AKAP13: variants seen among roughly 807,000 people sequenced by gnomAD.
AKAP13 encodes A-kinase anchoring protein 13.
AKAP13 carries 80 observed loss-of-function variants against 264.5 expected under a neutral mutation model. That is an observed-to-expected ratio of 0.30 (90% CI 0.25 to 0.36). AKAP13 has a LOEUF of 0.36. Ranked by LOEUF, AKAP13 falls within the 10% of genes least tolerant of loss-of-function variation. AKAP13 has a pLI of 1.00. For missense variants in AKAP13, 3,712 were observed against 3,435.2 expected, an observed-to-expected ratio of 1.08 and a Z score of -2.01; for synonymous variants, 1,380 against 1,250.2, an observed-to-expected ratio of 1.10 and a Z score of -2.19.
chr15:85,707,607 C>G (rs1398144463), intron 17 of AKAP13, among the ~76,000 whole-genome samples: 1 of 152,210 alleles, frequency 6.6e-6, no homozygotes, highest in Non-Finnish European at 1.5e-5. Flanking sequence ...CAGACACTTT[C>G]ACTTTTAGTT....
Position 85,499,686 on chromosome 15 carries a change from A to C in AKAP13, c.33+13933A>C, listed in dbSNP as rs377364636. Among the ~76,000 whole-genome samples the C allele has an allele frequency of 1.3e-4, 20 of 151,596 alleles. No homozygotes were observed. The East Asian group carries it at 3.3e-3, about 25-fold the overall frequency. On this transcript the variant is annotated intron_variant, in intron 2 of 36. Coordinates refer to ENST00000394518, the MANE Select transcript of AKAP13 (RefSeq NM_007200.5). Reference sequence around the variant, plus strand: ...CCAATCCCTAACACATGCATAAAGAAAAACACTTATCTTTCAGGATTCATT... The same window carrying C: ...CCAATCCCTAACACATGCATAAAGACAAACACTTATCTTTCAGGATTCATT...
At chr15:85,538,044 G>A (rs183463379) in intron 4 of AKAP13, among the ~76,000 whole-genome samples, 11 of 152,230 alleles carry the variant, frequency 7.2e-5, no homozygotes, top group African/African-American at 2.4e-4. Flanking sequence ...GTGGGGTAAG[G>A]ACATTTTTTT....
chr15:85,504,904 T>C (rs1224813505), intron 2 of AKAP13, among the ~76,000 whole-genome samples: 1 of 151,880 alleles, frequency 6.6e-6, no homozygotes, highest in East Asian at 1.9e-4. Context: ...TTGCTCTCCC[T>C]CGCACCCTCT....
At chr15:85,440,813 A>T (rs181122704) in intron 1 of AKAP13, among the ~76,000 whole-genome samples, 6 of 152,314 alleles carry the variant, frequency 3.9e-5, no homozygotes, top group Non-Finnish European at 7.3e-5. Flanking sequence ...TACCAAGGTA[A>T]TGATGACCAT....
intron 5 of AKAP13, among the ~76,000 whole-genome samples, chr15:85,556,265 TGTACC>T (rs1163520472): frequency 1.3e-5 from 2 of 152,236 alleles, no homozygotes; most frequent in Non-Finnish European, 2.9e-5. Flanking sequence ...CTATCAAATA[TGTACC>T]GTACATAATT....
chr15:85,391,793 C>CT (rs915812968), intron 1 of AKAP13, among the ~76,000 whole-genome samples: 47 of 146,316 alleles, frequency 3.2e-4, no homozygotes, highest in African/African-American at 4.6e-4. Flanking sequence ...CCTCCTTATT[C>CT]TTTTTTTTTG....
chr15:85,714,567 G>C (rs1011549881), intron 19 of AKAP13, among the ~76,000 whole-genome samples: 3 of 152,236 alleles, frequency 2.0e-5, no homozygotes, highest in Non-Finnish European at 4.4e-5. Context: ...GAAGACAAGG[G>C]GGGCTGAGAT....
rs1455716704 is a variant in AKAP13, at chr15:85,581,112, A to G, written c.3044A>G (p.Gln1015Arg). 5 of 1,613,978 alleles carry G rather than the reference A, an allele frequency of 3.1e-6. No homozygotes were observed. Among genetic ancestry groups the G allele is most frequent in the Non-Finnish European group, 4.2e-6 (5 of 1,179,868 alleles). Residue 1015 changes from glutamine to arginine, a missense_variant, in exon 7 of 37, where the codon CAG becomes CGG. Physicochemically the swap from Gln to Arg is conservative, Grantham distance 43. Around this residue, in one of 3 missense-constraint regions of AKAP13, gnomAD observed 2,759 missense variants for 2,411.7 expected, o/e 1.14. Coordinates refer to ENST00000394518, the MANE Select transcript of AKAP13 (RefSeq NM_007200.5). ...CTGCTGACTCAAGGTGGGGCTGCCC[A>G]GAGCCTGGTGCCACCAGGAGCAAGT... ...VSLLTQGGAAQSLVPPGASLA... is the reference protein window; with the variant it reads ...VSLLTQGGAARSLVPPGASLA...
chr15:85,466,974 C>A (rs1304542172), intron 1 of AKAP13, among the ~76,000 whole-genome samples: 1 of 151,462 alleles, frequency 6.6e-6, no homozygotes, highest in Non-Finnish European at 1.5e-5. Flanking sequence ...TGGTGGGTTC[C>A]CAGCATGGAC....
At chr15:85,463,202 A>G (rs563943504) in intron 1 of AKAP13, among the ~76,000 whole-genome samples, 34 of 152,266 alleles carry the variant, frequency 2.2e-4, no homozygotes, top group African/African-American at 8.2e-4. Context: ...GACAGTCTTT[A>G]AAAGGTCTAT....
At chr15:85,649,181 G>A (rs416917) in intron 10 of AKAP13, among the ~76,000 whole-genome samples, 96,036 of 151,886 alleles carry the variant, frequency 0.63, 30,493 homozygotes, top group Middle Eastern at 0.71. Context: ...CCTGACAAGT[G>A]GGTGGTTTTA....
At chr15:85,721,312 G>C (rs1286827315) in intron 23 of AKAP13, among the ~76,000 whole-genome samples, 1 of 152,230 alleles carries the variant, frequency 6.6e-6, no homozygotes, top group Non-Finnish European at 1.5e-5. Flanking sequence ...ATGGTGAAGT[G>C]AAAATCTACC....
intron 1 of AKAP13, among the ~76,000 whole-genome samples, chr15:85,468,627 A>G (rs1034020710): frequency 6.6e-6 from 1 of 152,208 alleles, no homozygotes; most frequent in African/African-American, 2.4e-5. Flanking sequence ...GCAAAGCACA[A>G]CAAGTAGTTT....
chr15:85,395,436 C>T (rs936735712), intron 1 of AKAP13, among the ~76,000 whole-genome samples: 3 of 152,022 alleles, frequency 2.0e-5, no homozygotes, highest in African/African-American at 7.2e-5. Flanking sequence ...TTAAACTTAT[C>T]TTTCTGTTCT....
rs2151750669 is a variant in AKAP13 at position 85,730,649 on chromosome 15, C to T, written c.7224C>T (p.Arg2408=). ...SPTHSPRVLF[R]SNTEEALKGG... ...CACATAGCCCTAGAGTTCTCTTCCGCTCCAACACAGAAGAGGCTCTCAAAG... is the reference window on the plus strand; with the variant it reads ...CACATAGCCCTAGAGTTCTCTTCCGTTCCAACACAGAAGAGGCTCTCAAAG... Residue 2408 remains arginine (R), a synonymous_variant, in exon 30 of 37, where the codon CGC becomes CGT. Coordinates refer to ENST00000394518, the MANE Select transcript of AKAP13 (RefSeq NM_007200.5). The T allele has an allele frequency of 6.2e-7, 1 of 1,614,118 alleles. No homozygotes were observed. The highest frequency in any genetic ancestry group is 8.5e-7 in the Non-Finnish European group (1 of 1,180,006).
chr15:85,638,509 G>A (rs777917601), intron 8 of AKAP13, among the ~76,000 whole-genome samples: 3 of 152,054 alleles, frequency 2.0e-5, no homozygotes, highest in Non-Finnish European at 4.4e-5. Context: ...GGTTTTTCAA[G>A]TTTTCTCTAT....
At chr15:85,454,323 C>G (rs1196045986) in intron 1 of AKAP13, among the ~76,000 whole-genome samples, 1 of 152,152 alleles carries the variant, frequency 6.6e-6, no homozygotes, top group East Asian at 1.9e-4. Flanking sequence ...GGAGTGGGTT[C>G]ACAAGGCGAT....
chr15:85,487,301 T>C (rs1349722979), intron 2 of AKAP13, among the ~76,000 whole-genome samples: 3 of 152,300 alleles, frequency 2.0e-5, no homozygotes, highest in Middle Eastern at 3.4e-3. Context: ...CAACATTGAA[T>C]AGAAGTGGTG....
intron 2 of AKAP13, among the ~76,000 whole-genome samples, chr15:85,494,545 G>A (rs1212215970): frequency 7.2e-5 from 11 of 152,322 alleles, no homozygotes; most frequent in Admixed American, 7.2e-4. Context: ...CCCACACTCA[G>A]TTCTACATGT....
Sources: allele counts gnomAD v4.1 joint callset (sites outside exome capture counted in the v4.1 genomes callset), GRCh38; gene constraint gnomAD v4.1.1; regional missense constraint gnomAD v4.1.1; transcripts MANE v1.5; gene names NCBI Gene and HGNC (gene_info 2026-07-23, HGNC 2026-07-21).